Variants in LY6S observed in about 807,000 individuals in gnomAD.
The protein encoded by LY6S is lymphocyte antigen 6S.
the LY6S span, among the ~76,000 whole-genome samples, chr8:143,050,748 C>A: frequency 6.6e-6 from 1 of 152,158 alleles, no homozygotes; most frequent in Non-Finnish European, 1.5e-5. Flanking sequence ...CAGGGGTGCA[C>A]CCTCTAGAAT....
the LY6S span, among the ~76,000 whole-genome samples, chr8:143,074,837 TAG>T: frequency 6.6e-6 from 1 of 152,210 alleles, no homozygotes; most frequent in Non-Finnish European, 1.5e-5. Flanking sequence ...TCCCCGCAGG[TAG>T]AGCTCTGCCG....
At chr8:143,061,742 C>T in the LY6S span, among the ~76,000 whole-genome samples, 2 of 152,156 alleles carry the variant, frequency 1.3e-5, no homozygotes, top group Non-Finnish European at 2.9e-5. Context: ...GGGTTTTCTC[C>T]ATGTTGGTCA....
At chr8:143,046,073 G>A in the LY6S span, among the ~76,000 whole-genome samples, 7 of 152,074 alleles carry the variant, frequency 4.6e-5, no homozygotes, top group South Asian at 2.1e-4. Flanking sequence ...GGCTGGTCTC[G>A]AACTCCTGAC....
the LY6S span, among the ~76,000 whole-genome samples, chr8:143,064,289 G>C: frequency 6.6e-6 from 1 of 152,222 alleles, no homozygotes; most frequent in African/African-American, 2.4e-5. Context: ...GATGGAAGCA[G>C]TTGCATTTCG....
At chr8:143,075,423 G>A in the LY6S span, among the ~76,000 whole-genome samples, 1 of 152,130 alleles carries the variant, frequency 6.6e-6, no homozygotes, top group Non-Finnish European at 1.5e-5. The surrounding 1 kb of genome is among the most constrained non-coding windows in gnomAD (Gnocchi z 4.1). Flanking sequence ...CAAAAATAAG[G>A]CCAGGCACGG....
chr8:143,056,916 G>A, the LY6S span: 2 of 156,720 alleles, frequency 1.3e-5, no homozygotes, highest in Non-Finnish European at 2.8e-5. Context: ...CACATCCTTA[G>A]TATCCAGAAT....
the LY6S span, chr8:143,057,277 T>G: frequency 4.6e-6 from 1 of 217,052 alleles, no homozygotes; most frequent in Admixed American, 5.3e-5. Flanking sequence ...TGAGGTGGAG[T>G]CTTGCTCTGT....
chr8:143,041,295 C>T, the LY6S span, among the ~76,000 whole-genome samples: 5 of 152,216 alleles, frequency 3.3e-5, no homozygotes, highest in African/African-American at 9.7e-5. Flanking sequence ...CTTAGGGATA[C>T]ATTCTCTTTC....
chr8:143,040,862 G>T, the LY6S span, among the ~76,000 whole-genome samples: 5 of 151,886 alleles, frequency 3.3e-5, no homozygotes, highest in Admixed American at 6.6e-5. Context: ...TGGGCGTCCG[G>T]GGGAGACATC....
the LY6S span, among the ~76,000 whole-genome samples, chr8:143,040,926 A>G: frequency 1.8e-4 from 27 of 152,278 alleles, no homozygotes; most frequent in African/African-American, 6.0e-4. Context: ...GCAAATTTTT[A>G]TTAGTGATTT....
the LY6S span, chr8:143,053,090 C>G: frequency 6.6e-6 from 1 of 152,176 alleles, no homozygotes; most frequent in Non-Finnish European, 1.5e-5. Flanking sequence ...GGAAGGTTCC[C>G]CAGCAGATCA....
chr8:143,054,984 A>G, the LY6S span, among the ~76,000 whole-genome samples: 1 of 152,206 alleles, frequency 6.6e-6, no homozygotes, highest in Non-Finnish European at 1.5e-5. Flanking sequence ...GGAGGAACGT[A>G]TCTATATCTA....
the LY6S span, chr8:143,044,040 AGCTGAGGGT>A: frequency 0.031 from 13,256 of 433,050 alleles, 902 homozygotes; most frequent in East Asian, 0.17. Flanking sequence ...CAGCTCCGAG[AGCTGAGGGT>A]GCTGAGGGTG....
the LY6S span, among the ~76,000 whole-genome samples, chr8:143,072,907 A>G: frequency 8.8e-6 from 1 of 114,068 alleles, no homozygotes; most frequent in African/African-American, 3.0e-5. Context: ...CTGTTTGAGG[A>G]GACAGCCGTC....
the LY6S span, among the ~76,000 whole-genome samples, chr8:143,075,692 A>G: frequency 6.6e-6 from 1 of 152,200 alleles, no homozygotes. The surrounding 1 kb of genome is among the most constrained non-coding windows in gnomAD (Gnocchi z 4.1). Flanking sequence ...CAACAGAACA[A>G]GACTCAATCT....
chr8:143,052,712 G>A, the LY6S span, among the ~76,000 whole-genome samples: 8 of 152,116 alleles, frequency 5.3e-5, no homozygotes, highest in Non-Finnish European at 7.3e-5. Flanking sequence ...TCCGCTCCTC[G>A]TGGAGGCCGC....
At chr8:143,067,633 A>G in the LY6S span, among the ~76,000 whole-genome samples, 2 of 152,228 alleles carry the variant, frequency 1.3e-5, no homozygotes, top group African/African-American at 2.4e-5. Flanking sequence ...GAGCTCCCTC[A>G]GGATTTATTG....
the LY6S span, among the ~76,000 whole-genome samples, chr8:143,053,028 AAC>A: frequency 2.0e-5 from 3 of 152,168 alleles, no homozygotes; most frequent in Non-Finnish European, 4.4e-5. Context: ...TGGCAAGTGA[AAC>A]ACAACAGCAA....
At chr8:143,057,344 G>C in the LY6S span, 1 of 380,036 alleles carries the variant, frequency 2.6e-6, no homozygotes, top group Admixed American at 3.7e-5. Flanking sequence ...CCACCTCCAG[G>C]GTTCAAGCAA....
Sources: allele counts gnomAD v4.1 joint callset (sites outside exome capture counted in the v4.1 genomes callset), GRCh38; gene constraint gnomAD v4.1.1; non-coding constraint Gnocchi (gnomAD v3.1); transcripts MANE v1.5; gene names NCBI Gene and HGNC (gene_info 2026-07-23, HGNC 2026-07-21).